Variants in DAP observed in about 807,000 individuals in gnomAD.
The protein encoded by DAP is death-associated protein 1.
A neutral mutation model predicts 13.8 loss-of-function variants in DAP; 8 were observed. The observed-to-expected ratio is 0.58, with a 90% CI of 0.34 to 1.05. The LOEUF (loss-of-function observed/expected upper bound fraction) is 1.05. Among genes scored for constraint, DAP ranks in the 50% least tolerant of loss-of-function variants. The pLI is 0.03. For synonymous variants in DAP, 47 were observed against 47.5 expected, an observed-to-expected ratio of 0.99 and a Z score of 0.04; for missense variants, 106 against 133.2, an observed-to-expected ratio of 0.80 and a Z score of 1.01.
intron 2 of DAP, among the ~76,000 whole-genome samples, chr5:10,735,332 C>T (rs2964791): frequency 0.26 from 38,989 of 151,994 alleles, 5,173 homozygotes; most frequent in Middle Eastern, 0.38. Context: ...CAGCTCTCCC[C>T]AACAAAACCT....
At chr5:10,731,003 G>A (rs1452053330) in intron 2 of DAP, among the ~76,000 whole-genome samples, 2 of 85,990 alleles carry the variant, frequency 2.3e-5, no homozygotes, top group East Asian at 3.5e-4. Flanking sequence ...GAGCCCTGGT[G>A]GGGGGGAATC....
At chr5:10,731,576 T>A (rs1258885036) in intron 2 of DAP, among the ~76,000 whole-genome samples, 4 of 152,120 alleles carry the variant, frequency 2.6e-5, no homozygotes, top group African/African-American at 2.4e-5. Context: ...CCAGGAGACC[T>A]CCCTAGCCTG....
intron 2 of DAP, among the ~76,000 whole-genome samples, chr5:10,718,779 T>C (rs1739060623): frequency 6.6e-6 from 1 of 152,228 alleles, no homozygotes; most frequent in African/African-American, 2.4e-5. Context: ...TTTCTGTCCA[T>C]AAGGCCCACC....
At chr5:10,737,354 AAC>A (rs1249684974) in intron 2 of DAP, among the ~76,000 whole-genome samples, 15 of 147,370 alleles carry the variant, frequency 1.0e-4, no homozygotes, top group Non-Finnish European at 1.6e-4. Flanking sequence ...TCAAAAAAAA[AAC>A]AAAAACAAAA....
chr5:10,686,300 T>C (rs1402646028), intron 2 of DAP, among the ~76,000 whole-genome samples: 2 of 152,220 alleles, frequency 1.3e-5, no homozygotes, highest in Admixed American at 6.5e-5. Flanking sequence ...CAATGGTCTA[T>C]AATGGCCTGG....
intron 3 of DAP, 25 bp from the exon 4 acceptor site, chr5:10,681,194 G>C (rs1737981838): frequency 6.8e-7 from 1 of 1,466,502 alleles, no homozygotes; most frequent in Admixed American, 2.7e-5. Flanking sequence ...GGAAAGCTCA[G>C]GTTAATCAAT....
chr5:10,750,666 C>A (rs564374477), intron 1 of DAP, among the ~76,000 whole-genome samples: 2 of 152,170 alleles, frequency 1.3e-5, no homozygotes, highest in Non-Finnish European at 2.9e-5. Flanking sequence ...CTTGTGCGTT[C>A]AATTCCTTTA....
At chr5:10,693,726 T>C (rs1738366704) in intron 2 of DAP, among the ~76,000 whole-genome samples, 1 of 152,224 alleles carries the variant, frequency 6.6e-6, no homozygotes, top group African/African-American at 2.4e-5. Context: ...TAGCTTGTCT[T>C]CTGTATATGA....
intron 2 of DAP, among the ~76,000 whole-genome samples, chr5:10,710,001 A>G (rs1738802597): frequency 6.6e-6 from 1 of 152,188 alleles, no homozygotes; most frequent in African/African-American, 2.4e-5. Context: ...GCCCCAGGTG[A>G]TGCTGGCGCT....
intron 3 of DAP, 70 bp from the exon 4 acceptor site, chr5:10,681,239 G>A (rs1426640391): frequency 4.0e-6 from 5 of 1,237,282 alleles, no homozygotes; most frequent in African/African-American, 1.5e-5. Context: ...GGAAGCCCCA[G>A]GCCAGTGCCC....
At chr5:10,747,531 C>T (rs1221034868) in intron 2 of DAP, among the ~76,000 whole-genome samples, 3 of 152,192 alleles carry the variant, frequency 2.0e-5, no homozygotes, top group Non-Finnish European at 4.4e-5. Flanking sequence ...AAGTTCTTGC[C>T]CCAGCTACAC....
At chr5:10,710,970 A>C (rs1389468444) in intron 2 of DAP, among the ~76,000 whole-genome samples, 6 of 152,308 alleles carry the variant, frequency 3.9e-5, no homozygotes, top group Non-Finnish European at 2.9e-5. Flanking sequence ...AAATGAATTT[A>C]CCCTGGAGTG....
intron 2 of DAP, among the ~76,000 whole-genome samples, chr5:10,698,912 CA>C (rs1738497373): frequency 1.3e-5 from 2 of 152,148 alleles, no homozygotes; most frequent in Non-Finnish European, 2.9e-5. Flanking sequence ...CCCAGGTTCC[CA>C]ATCAGGTCTG....
intron 2 of DAP, among the ~76,000 whole-genome samples, chr5:10,708,642 T>G (rs1019766244): frequency 2.0e-5 from 3 of 152,234 alleles, no homozygotes; most frequent in Non-Finnish European, 4.4e-5. Flanking sequence ...TGAAACCATG[T>G]TATTAATGAT....
At chr5:10,754,511 T>A (rs1201223172) in intron 1 of DAP, among the ~76,000 whole-genome samples, 1 of 152,158 alleles carries the variant, frequency 6.6e-6, no homozygotes, top group Non-Finnish European at 1.5e-5. Context: ...AGAGACATAG[T>A]GGGACCCCCC....
At chr5:10,710,939 C>T (rs564430762) in intron 2 of DAP, among the ~76,000 whole-genome samples, 4 of 152,258 alleles carry the variant, frequency 2.6e-5, no homozygotes, top group South Asian at 4.1e-4. Context: ...CGCAGAGGCA[C>T]GGTGTGAGAA....
At chr5:10,734,400 G>A (rs1739547802) in intron 2 of DAP, 1 of 152,332 alleles carries the variant, frequency 6.6e-6, no homozygotes, top group Non-Finnish European at 1.5e-5. Context: ...ACTGGCCCTA[G>A]AGGAAAGCCT....
intron 2 of DAP, among the ~76,000 whole-genome samples, chr5:10,697,155 G>A (rs1051874722): frequency 6.6e-6 from 1 of 152,304 alleles, no homozygotes; most frequent in South Asian, 2.1e-4. Flanking sequence ...TTGGCTGTAG[G>A]TGGGCCATCT....
rs960075380 is a variant in DAP, at chr5:10,691,134, A to G, written c.153-7563T>C. Among the ~76,000 whole-genome samples, 13 of 152,226 alleles carry G rather than the reference A, an allele frequency of 8.5e-5. No homozygotes were observed. The South Asian group carries it at 1.0e-3, about 12-fold the overall frequency. ...CTTTATGAACCAAAAGTCGCCCCCA[A>G]AATTCTTCTCTAAAACTGAAAAGGC... On this transcript the variant is annotated intron_variant, in intron 2 of 3. Transcript: ENST00000230895.
Sources: gnomAD v4.1 joint callset for allele counts (sites outside exome capture counted in the v4.1 genomes callset) on GRCh38, gnomAD v4.1.1 for gene constraint, MANE v1.5 for transcripts, NCBI Gene and HGNC (gene_info 2026-07-23, HGNC 2026-07-21) for gene names.